Variants in SNX18 observed in about 807,000 individuals in gnomAD.
SNX18 encodes sorting nexin 18.
SNX18 carries 35 observed loss-of-function variants against 48.7 expected under a neutral mutation model. The ratio of observed to expected loss-of-function variants is 0.72; its 90% CI spans 0.55 to 0.95. SNX18 has a LOEUF of 0.95. Ranked by LOEUF, SNX18 falls within the 40% of genes least tolerant of loss-of-function variation. SNX18 has a pLI of 0.00. For missense variants in SNX18, 824 were observed against 871.0 expected (o/e 0.95, Z 0.68); for synonymous variants, 492 against 384.7 (o/e 1.28, Z -3.26).
chr5:54,581,466 G>A, the SNX18 span, among the ~76,000 whole-genome samples: 1 of 152,088 alleles, frequency 6.6e-6, no homozygotes, highest in South Asian at 2.1e-4. Flanking sequence ...CGGCAAAAAG[G>A]AAAATGACCA....
the SNX18 span, among the ~76,000 whole-genome samples, chr5:54,620,247 T>C: frequency 6.6e-6 from 1 of 152,056 alleles, no homozygotes. Flanking sequence ...GATGGTGCAT[T>C]ATCCCAGGGC....
chr5:54,521,823 C>T (rs1026873665), intron 1 of SNX18, among the ~76,000 whole-genome samples: 1 of 152,194 alleles, frequency 6.6e-6, no homozygotes, highest in Non-Finnish European at 1.5e-5. Flanking sequence ...CCAGCTCAGC[C>T]TCCCGAAGTG....
chr5:54,573,810 G>T, the SNX18 span, among the ~76,000 whole-genome samples: 1 of 152,196 alleles, frequency 6.6e-6, no homozygotes, highest in Non-Finnish European at 1.5e-5. Context: ...AGATATTGTA[G>T]TGCATCTGGT....
chr5:54,617,513 A>T, the SNX18 span, among the ~76,000 whole-genome samples: 5 of 152,198 alleles, frequency 3.3e-5, no homozygotes, highest in Non-Finnish European at 5.9e-5. Flanking sequence ...ATTACTAAAG[A>T]TGTCCTGTGT....
At chr5:54,550,136 G>A (rs575449412), downstream of SNX18, among the ~76,000 whole-genome samples, 1 of 152,278 alleles carries the variant, frequency 6.6e-6, no homozygotes, top group East Asian at 1.9e-4. Flanking sequence ...TCCTGTTTGT[G>A]GACCCTTGTA....
intron 1 of SNX18, 52 bp downstream of exon 1, chr5:54,519,625 A>G (rs1003050140): frequency 6.2e-7 from 1 of 1,614,174 alleles, no homozygotes; most frequent in Non-Finnish European, 8.5e-7. Flanking sequence ...TGCAGGCTGA[A>G]AGGGGCGACT....
chr5:54,525,726 AG>A lies in SNX18; in HGVS notation c.1621+6154del, dbSNP rs555936953. Among the ~76,000 whole-genome samples, 54 of 152,256 alleles carry A rather than the reference AG, an allele frequency of 3.5e-4. No homozygotes were observed. In the South Asian group the frequency reaches 0.011, roughly 30 times the overall value. On this transcript the variant is annotated intron_variant, in intron 1 of 1. Transcript: ENST00000381410. ...GAGCTTCAGTTTCCTCATCTGTAAAAGTGAGGTTCATTATTTCCTAGGTACT... is the reference window on the plus strand; with the variant it reads ...GAGCTTCAGTTTCCTCATCTGTAAAATGAGGTTCATTATTTCCTAGGTACT...
At chr5:54,591,454 G>A in the SNX18 span, among the ~76,000 whole-genome samples, 2 of 152,320 alleles carry the variant, frequency 1.3e-5, no homozygotes, top group East Asian at 3.9e-4. Flanking sequence ...GCCTCCCAAA[G>A]TGCTGGGATT....
chr5:54,535,885 G>A (rs550625084), intron 1 of SNX18, among the ~76,000 whole-genome samples: 1 of 152,308 alleles, frequency 6.6e-6, no homozygotes, highest in East Asian at 1.9e-4. Flanking sequence ...GTGGGAAGGT[G>A]CCCTTGGGCT....
chr5:54,557,585 C>G, the SNX18 span, among the ~76,000 whole-genome samples: 1 of 152,096 alleles, frequency 6.6e-6, no homozygotes, highest in Non-Finnish European at 1.5e-5. Flanking sequence ...TTCATAGAGA[C>G]AGAAAATATA....
chr5:54,554,017 C>A, the SNX18 span, among the ~76,000 whole-genome samples: 1 of 152,254 alleles, frequency 6.6e-6, no homozygotes, highest in Non-Finnish European at 1.5e-5. Context: ...ATTCGCTGTT[C>A]TGCATGGCTG....
the SNX18 span, among the ~76,000 whole-genome samples, chr5:54,557,126 C>G: frequency 6.6e-6 from 1 of 152,172 alleles, no homozygotes; most frequent in Admixed American, 6.5e-5. Context: ...CATTTTCTTG[C>G]TAGCAATTCA....
At chr5:54,583,079 GCTGTTC>G in the SNX18 span, among the ~76,000 whole-genome samples, 1 of 152,174 alleles carries the variant, frequency 6.6e-6, no homozygotes, top group Non-Finnish European at 1.5e-5. Flanking sequence ...CATTGTATGT[GCTGTTC>G]CTGTTTCCCC....
At chr5:54,643,605 T>A in the SNX18 span, 1 of 152,242 alleles carries the variant, frequency 6.6e-6, no homozygotes, top group Non-Finnish European at 1.5e-5. Context: ...CAAATTGTTT[T>A]TGTTATCTCA....
chr5:54,607,132 T>G, the SNX18 span, among the ~76,000 whole-genome samples: 1 of 152,144 alleles, frequency 6.6e-6, no homozygotes, highest in African/African-American at 2.4e-5. Context: ...CTGACTCCAT[T>G]TTCTGATGTT....
At chr5:54,521,891 G>T (rs990287792) in intron 1 of SNX18, among the ~76,000 whole-genome samples, 4 of 151,994 alleles carry the variant, frequency 2.6e-5, no homozygotes, top group African/African-American at 4.8e-5. Flanking sequence ...TTAAATTATA[G>T]AACTGGATTT....
At chr5:54,643,297 G>C in the SNX18 span, among the ~76,000 whole-genome samples, 1 of 152,020 alleles carries the variant, frequency 6.6e-6, no homozygotes, top group Non-Finnish European at 1.5e-5. Context: ...TATTTTCTCA[G>C]ATAAAAATTT....
chr5:54,519,044 C>G lies in SNX18; in HGVS notation c.1092C>G (p.Ala364=), dbSNP rs774034403. The G allele has an allele frequency of 6.2e-6, 10 of 1,613,514 alleles. No individual in the cohort carries two copies. Among genetic ancestry groups the G allele is most frequent in the Non-Finnish European group, 4.2e-6 (5 of 1,179,742 alleles). The part of the protein sequence containing the change: ...KGLIWWMNHM[A]SHPVLAQCDV... ...TGATCTGGTGGATGAACCACATGGC[C>G]AGCCACCCAGTGCTGGCGCAGTGCG... Residue 364 remains alanine (A), a synonymous_variant, in exon 1 of 2, where the codon GCC becomes GCG. Coordinates refer to ENST00000381410, the MANE Select transcript of SNX18 (RefSeq NM_001102575.2).
intron 1 of SNX18, among the ~76,000 whole-genome samples, chr5:54,539,957 C>T (rs1400414722): frequency 2.6e-5 from 4 of 151,888 alleles, no homozygotes; most frequent in East Asian, 1.9e-4. Context: ...CTGCAACCTC[C>T]GCCTCCCGGG....
Sources: gnomAD v4.1 joint callset for allele counts (sites outside exome capture counted in the v4.1 genomes callset) on GRCh38, gnomAD v4.1.1 for gene constraint, MANE v1.5 for transcripts, NCBI Gene and HGNC (gene_info 2026-07-23, HGNC 2026-07-21) for gene names.